SDK1: variants seen among roughly 807,000 people sequenced by gnomAD.
SDK1 encodes the protein protein sidekick-1.
A neutral mutation model predicts 245.5 loss-of-function variants in SDK1; 157 were observed. The ratio of observed to expected loss-of-function variants is 0.64; its 90% CI spans 0.56 to 0.73. The LOEUF is 0.73. SDK1 is among the 30% of genes least tolerant of loss of function. SDK1 has a pLI of 0.00. For missense variants in SDK1, 3,583 were observed against 3,002.3 expected (o/e 1.19, Z -4.52); for synonymous variants, 1,647 against 1,278.5 (o/e 1.29, Z -6.15).
intron 1 of SDK1, among the ~76,000 whole-genome samples, chr7:3,614,529 T>A (rs1185526572): frequency 2.0e-5 from 3 of 152,236 alleles, no homozygotes; most frequent in Non-Finnish European, 4.4e-5. Flanking sequence ...ATGTTCTCTT[T>A]CCCATTTAAA....
chr7:3,777,432 T>G (rs1399221505), intron 4 of SDK1, among the ~76,000 whole-genome samples: 1 of 152,196 alleles, frequency 6.6e-6, no homozygotes, highest in Non-Finnish European at 1.5e-5. Context: ...TCAGGGCCGG[T>G]AGGATGGTTG....
Position 4,257,574 on chromosome 7 carries a change from C to T in SDK1, c.6382-7550C>T, listed in dbSNP as rs549417024. 9.2e-5 allele frequency among the ~76,000 whole-genome samples: 14 copies of T among 152,314 alleles called. No individual in the cohort carries two copies. The East Asian group carries it at 2.3e-3, about 25-fold the overall frequency. ...CAGGGGCTGAGCAGGAGCCAGGAAA[C>T]CCAGCTTTTAGCTTCAGCTCTGCCT... On this transcript the variant is annotated intron_variant, in intron 44 of 44. Coordinates refer to ENST00000404826, the MANE Select transcript of SDK1 (RefSeq NM_152744.4).
chr7:4,259,122 C>G (rs766769552), intron 44 of SDK1, among the ~76,000 whole-genome samples: 1 of 152,124 alleles, frequency 6.6e-6, no homozygotes, highest in Non-Finnish European at 1.5e-5. Context: ...CACCTCAAGG[C>G]CCCTAGAAAA....
intron 4 of SDK1, among the ~76,000 whole-genome samples, chr7:3,695,413 C>T (rs2115000522): frequency 6.6e-6 from 1 of 152,276 alleles, no homozygotes; most frequent in Non-Finnish European, 1.5e-5. Context: ...TCTATAGGCA[C>T]CCATAAGCAT....
At chr7:3,410,368 C>G (rs765967563) in intron 1 of SDK1, among the ~76,000 whole-genome samples, 7 of 152,002 alleles carry the variant, frequency 4.6e-5, no homozygotes, top group African/African-American at 7.3e-5. Flanking sequence ...TCATATTAGA[C>G]CTGTGTCCCA....
At chr7:4,075,916 G>C in intron 20 of SDK1, among the ~76,000 whole-genome samples, 1 of 152,108 alleles carries the variant, frequency 6.6e-6, no homozygotes, top group Non-Finnish European at 1.5e-5. Flanking sequence ...GCCTCCCCAA[G>C]TGCTGGGATT....
At chr7:4,085,157 T>G (rs1396507882) in intron 22 of SDK1, among the ~76,000 whole-genome samples, 2 of 152,226 alleles carry the variant, frequency 1.3e-5, no homozygotes, top group African/African-American at 4.8e-5. Flanking sequence ...CCTATTGTAT[T>G]AAGAGGTTCA....
intron 44 of SDK1, 79 bp downstream of exon 44, chr7:4,245,884 C>A: frequency 1.9e-6 from 3 of 1,551,728 alleles, no homozygotes; most frequent in Non-Finnish European, 2.6e-6. Flanking sequence ...CTCAGGCTGT[C>A]TTGTCCTATT....
chr7:3,800,094 C>T (rs752863002), intron 4 of SDK1, among the ~76,000 whole-genome samples: 1 of 152,076 alleles, frequency 6.6e-6, no homozygotes, highest in South Asian at 2.1e-4. Context: ...GGGTTTGGCT[C>T]TCAGTCTCCA....
chr7:3,868,826 G>A (rs1780885942), intron 5 of SDK1, among the ~76,000 whole-genome samples: 1 of 152,110 alleles, frequency 6.6e-6, no homozygotes, highest in Non-Finnish European at 1.5e-5. Context: ...GGGTTTCATT[G>A]GCATCATTTC....
At chr7:3,328,347 A>G (rs763627650) in intron 1 of SDK1, among the ~76,000 whole-genome samples, 3 of 152,072 alleles carry the variant, frequency 2.0e-5, no homozygotes, top group African/African-American at 7.2e-5. Context: ...AGCTCTTACA[A>G]TTTGCTTTTA....
chr7:3,581,851 A>G lies in SDK1; in HGVS notation c.299-37229A>G, dbSNP rs190249367. Among the ~76,000 whole-genome samples, 631 of 152,358 alleles carry G rather than the reference A, an allele frequency of 4.1e-3. 3 individuals carry two copies. Among genetic ancestry groups the G allele is most frequent in the Non-Finnish European group, 7.1e-3 (481 of 68,028 alleles). On this transcript the variant is annotated intron_variant, in intron 1 of 44. Transcript: ENST00000404826. ...ATGAGATTGTGTCCTTTGCAGGGACATGGGTGAAGCTGGAGGCCATCATCC... is the reference window on the plus strand; with the variant it reads ...ATGAGATTGTGTCCTTTGCAGGGACGTGGGTGAAGCTGGAGGCCATCATCC...
chr7:3,682,661 T>C (rs192040274), intron 4 of SDK1, among the ~76,000 whole-genome samples: 2 of 152,336 alleles, frequency 1.3e-5, no homozygotes, highest in Non-Finnish European at 2.9e-5. Flanking sequence ...CTGCCTGTTA[T>C]ACTCCAACCT....
chr7:3,435,321 C>CTTTTTTTTTTTTTTTTTTTTTT (rs71029672), intron 1 of SDK1, among the ~76,000 whole-genome samples: 7 of 56,898 alleles, frequency 1.2e-4, no homozygotes, highest in African/African-American at 6.4e-4. Flanking sequence ...AGGGGACTGC[C>CTTTTTTTTTTTTTTTTTTTTTT]TTTTTTTTTT....
At chr7:3,663,822 T>A (rs1440145625) in intron 4 of SDK1, among the ~76,000 whole-genome samples, 4 of 152,226 alleles carry the variant, frequency 2.6e-5, no homozygotes, top group African/African-American at 7.2e-5. Flanking sequence ...AATCTAAGAT[T>A]AGCTAACTAT....
At chr7:4,179,663 G>C (rs999526562) in intron 35 of SDK1, among the ~76,000 whole-genome samples, 3 of 152,024 alleles carry the variant, frequency 2.0e-5, no homozygotes, top group African/African-American at 7.2e-5. Context: ...GTACGGCTCA[G>C]CTTTCCCTCA....
At chr7:3,847,584 T>C (rs1206066703) in intron 5 of SDK1, among the ~76,000 whole-genome samples, 3 of 152,194 alleles carry the variant, frequency 2.0e-5, no homozygotes, top group Non-Finnish European at 4.4e-5. Context: ...CTGGTCTTTG[T>C]TGACGCTGTC....
chr7:3,815,745 C>G (rs185099239), intron 4 of SDK1, among the ~76,000 whole-genome samples: 2,110 of 151,802 alleles, frequency 0.014, 26 homozygotes, highest in Middle Eastern at 0.027. Context: ...CCAAGCGGAC[C>G]TAATAGACAT....
At chr7:3,836,008 T>C (rs576829457) in intron 5 of SDK1, among the ~76,000 whole-genome samples, 4 of 152,354 alleles carry the variant, frequency 2.6e-5, no homozygotes, top group African/African-American at 9.6e-5. Context: ...TATATGAGTA[T>C]TGGTATAGGC....
Sources: allele counts gnomAD v4.1 joint callset (sites outside exome capture counted in the v4.1 genomes callset), GRCh38; gene constraint gnomAD v4.1.1; transcripts MANE v1.5; gene names NCBI Gene and HGNC (gene_info 2026-07-23, HGNC 2026-07-21).